ATG9A: variants seen among roughly 807,000 people sequenced by gnomAD.
The protein encoded by ATG9A is autophagy related 9A.
A neutral mutation model predicts 87.1 loss-of-function variants in ATG9A; 21 were observed. That is an observed-to-expected ratio of 0.24 (90% confidence interval 0.17 to 0.35). The LOEUF (loss-of-function observed/expected upper bound fraction) is 0.35. ATG9A is among the 10% of genes least tolerant of loss of function. The probability of loss-of-function intolerance (pLI) is 1.00; values close to 1 mark genes in which losing one functional copy is unlikely to be tolerated. For synonymous variants in ATG9A, 422 were observed against 441.3 expected (o/e 0.96, Z 0.55); for missense variants, 836 against 1,107.3 (o/e 0.76, Z 3.48).
rs746651042 is a variant in ATG9A, at chr2:219,222,933, C to A, written c.1600-40G>T. ...GCAGAGTAAGCAGGGCTGTTCTCTT[C>A]CAGGAGCCTTCCTGCACCTTTCCTG... is the stretch of plus-strand genomic sequence containing the variant. On this transcript the variant is annotated intron_variant, in intron 10 of 15. Coordinates refer to ENST00000361242, the MANE Select transcript of ATG9A (RefSeq NM_001077198.3). The surrounding 1 kb of genome is among the most constrained non-coding windows in gnomAD (Gnocchi z 4.3). The A allele has an allele frequency of 5.0e-6, 8 of 1,608,846 alleles. No homozygotes were observed. The Admixed American group carries it at 1.3e-4, about 27-fold the overall frequency.
In ATG9A at chr2:219,220,667, C is replaced by G. The variant is rs1000917600; in HGVS notation, c.2514+80G>C. On this transcript the variant is annotated intron_variant, in intron 15 of 15. Transcript: ENST00000361242. ...ATCTCTGTGTGGGGGTGGGGCATAT[C>G]TTCCTTCCCCTGAAAAGCTGTTACC... The G allele has an allele frequency of 1.2e-5, 18 of 1,560,454 alleles. No individual in the cohort carries two copies. In the Middle Eastern group the frequency reaches 1.6e-3, roughly 139 times the overall value.
At chr2:219,220,569 G>T in intron 15 of ATG9A, 117 bp from the exon 16 acceptor site, 1 of 1,536,890 alleles carries the variant, frequency 6.5e-7, no homozygotes, top group South Asian at 1.1e-5. Flanking sequence ...GGGAGGTAAG[G>T]TAAGGAAAAA....
At chr2:219,227,204 C>T (rs1267591752) in intron 4 of ATG9A, among the ~76,000 whole-genome samples, 3 of 152,180 alleles carry the variant, frequency 2.0e-5, no homozygotes, top group South Asian at 4.1e-4. Context: ...TTACTTATTA[C>T]GATTATTTAC....
In ATG9A at chr2:219,224,506, G is replaced by A. The variant is rs1176073294; in HGVS notation, c.865C>T (p.Arg289Cys). 6.2e-6 allele frequency: 10 copies of A among 1,614,048 alleles called. No homozygotes were observed. Among genetic ancestry groups the A allele is most frequent in the African/African-American group, 2.7e-5 (2 of 75,048 alleles). Residue 289 changes from arginine (R) to cysteine (C), a missense_variant, in exon 8 of 16, where the codon CGC (arginine) becomes TGC (cysteine). Coordinates refer to ENST00000361242, the MANE Select transcript of ATG9A (RefSeq NM_001077198.3). This position sits in a 1 kb window ranked among gnomAD's most constrained non-coding sequence, Gnocchi z 7.7. ...TTAGCGATGCCAATCCACAGGATGC[G>A]GTTGCTGAGGCGCTGGGCCAGCTCT... The part of the protein sequence containing the change: ...RLELAQRLSN[R>C]ILWIGIANFL...
chr2:219,223,150 T>G lies in ATG9A; in HGVS notation c.1600-257A>C, dbSNP rs1368354893. ...TCGCCCAGGCTGGATTGCAGTGGCG[T>G]GATCTCGGCTCACTGCAAGCTCCGC... On this transcript the variant is annotated intron_variant, in intron 10 of 15. Coordinates refer to ENST00000361242, the MANE Select transcript of ATG9A (RefSeq NM_001077198.3). The surrounding 1 kb of genome is among the most constrained non-coding windows in gnomAD (Gnocchi z 4.7). Among the ~76,000 whole-genome samples, 1 of 150,010 alleles carries G rather than the reference T, an allele frequency of 6.7e-6. No individual in the cohort carries two copies. Among genetic ancestry groups the G allele is most frequent in the Non-Finnish European group, 1.5e-5 (1 of 67,654 alleles).
Position 219,227,902 on chromosome 2 carries a change from T to G in ATG9A, c.103+20A>C. The G allele has an allele frequency of 4.3e-6, 7 of 1,613,654 alleles. No homozygotes were observed. The highest frequency in any genetic ancestry group is 5.9e-6 in the Non-Finnish European group (7 of 1,179,584). ...TTCTTCCATCAACTCTCCCTATGGCTGTCATATCCAAGAACTCACACTTGC... is the reference window on the plus strand; with the variant it reads ...TTCTTCCATCAACTCTCCCTATGGCGGTCATATCCAAGAACTCACACTTGC... On this transcript the variant is annotated intron_variant, in intron 3 of 15. Transcript: ENST00000361242.
chr2:219,222,946 T>C lies in ATG9A; in HGVS notation c.1600-53A>G. Reference sequence around the variant, plus strand: ...GGCTGTTCTCTTCCAGGAGCCTTCCTGCACCTTTCCTGTTAGTGGGGAGGC... The same window carrying C: ...GGCTGTTCTCTTCCAGGAGCCTTCCCGCACCTTTCCTGTTAGTGGGGAGGC... On this transcript the variant is annotated intron_variant, in intron 10 of 15. Coordinates refer to ENST00000361242, the MANE Select transcript of ATG9A (RefSeq NM_001077198.3). The surrounding 1 kb of genome is among the most constrained non-coding windows in gnomAD (Gnocchi z 4.3). 1.2e-6 allele frequency: 2 copies of C among 1,602,736 alleles called. No individual in the cohort carries two copies. Among genetic ancestry groups the C allele is most frequent in the Non-Finnish European group, 1.7e-6 (2 of 1,174,390 alleles).
chr2:219,226,855 C>T lies in ATG9A; in HGVS notation c.212+14G>A. ...TATTCTTTCACCACATCATCTGTCC[C>T]TTCTTATACTTACATGAGCTCAAAG... On this transcript the variant is annotated intron_variant, in intron 5 of 15. Transcript: ENST00000361242. 1 of 1,605,834 alleles carries T rather than the reference C, an allele frequency of 6.2e-7. No individual in the cohort carries two copies. Among genetic ancestry groups the T allele is most frequent in the East Asian group, 2.2e-5 (1 of 44,852 alleles).
chr2:219,227,666 G>A lies in ATG9A; in HGVS notation c.147+104C>T, dbSNP rs958476459. The A allele has an allele frequency of 6.6e-5, 90 of 1,362,636 alleles. No individual in the cohort carries two copies. In the African/African-American group the frequency reaches 1.1e-3, roughly 17 times the overall value. 84.4% of individuals were successfully genotyped at this position (1,362,636 alleles called of 1,614,324 possible). A position where few individuals can be genotyped will look rare whatever the true frequency, so the allele number is the denominator to read the frequency against. On this transcript the variant is annotated intron_variant, in intron 4 of 15. Transcript: ENST00000361242. ...CAGCCTCAGGATGAGCTCCATTCCC[G>A]TTTCCAGGTATTAGAGTCAAACCTA...
In ATG9A at chr2:219,220,312, G is replaced by C. The variant is rs1314943845; in HGVS notation, c.*135C>G. The stretch of plus-strand genomic sequence containing the variant: ...AAGCCCAGTGTTGGCACCTCCCTTG[G>C]CCAGGCACAGACACACAAACACCAC... On this transcript the variant is annotated 3_prime_UTR_variant, in exon 16 of 16. Coordinates refer to ENST00000361242, the MANE Select transcript of ATG9A (RefSeq NM_001077198.3). 2 of 1,239,608 alleles carry C rather than the reference G, an allele frequency of 1.6e-6. No homozygotes were observed. Among genetic ancestry groups the C allele is most frequent in the Non-Finnish European group, 2.3e-6 (2 of 881,730 alleles). 76.8% of individuals were successfully genotyped at this position (1,239,608 alleles called of 1,614,324 possible).
At position 219,228,360 on chromosome 2, in the gene ATG9A, C is replaced by T. The variant is rs1950912930; in HGVS notation, c.-30+74G>A. 4 of 292,526 alleles carry T rather than the reference C, an allele frequency of 1.4e-5. No homozygotes were observed. In the South Asian group the frequency reaches 2.6e-4, roughly 19 times the overall value. The allele number at this position is 292,526 out of a possible 1,614,324, so 18.1% of individuals were successfully genotyped here. ...GTCCCTCCCCCGCCCATCCTGGGAA[C>T]CCTGGTCTCCCAAGAGACTAACAGT... On this transcript the variant is annotated intron_variant, in intron 2 of 15. Coordinates refer to ENST00000361242, the MANE Select transcript of ATG9A (RefSeq NM_001077198.3).
At chr2:219,226,960 GT>G (rs778009541) in intron 4 of ATG9A, 27 bp from the exon 5 acceptor site, 1 of 1,589,474 alleles carries the variant, frequency 6.3e-7, no homozygotes, top group South Asian at 1.1e-5. Context: ...AAAGTAGTCA[GT>G]AAAGAAAGCA....
chr2:219,223,713 T>C lies in ATG9A; in HGVS notation c.1471A>G (p.Ile491Val). The change falls in exon 10 of 16, where the codon ATC becomes GTC. Residue 491 changes from isoleucine to valine, a missense_variant. By Grantham distance (29) the Ile-to-Val change is conservative (BLOSUM62 3). This residue lies in a region of ATG9A where 512 missense variants were observed against 759.6 expected (regional missense o/e 0.67). Coordinates refer to ENST00000361242, the MANE Select transcript of ATG9A (RefSeq NM_001077198.3). This position sits in a 1 kb window ranked among gnomAD's most constrained non-coding sequence, Gnocchi z 4.7. ...AGGGCCCGTGGGCGCAGGCAGAAGA[T>C]GAGGATGAGGGGTGTGACAATGGGG... is the stretch of plus-strand genomic sequence containing the variant. The part of the protein sequence containing the change: ...LSPIVTPLIL[I>V]FCLRPRALEI... The C allele has an allele frequency of 6.2e-7, 1 of 1,613,232 alleles. No individual in the cohort carries two copies.
chr2:219,219,469 A>T lies in ATG9A; in HGVS notation c.*978T>A, dbSNP rs1486417886. On this transcript the variant is annotated 3_prime_UTR_variant, in exon 16 of 16. Transcript: ENST00000361242. ...CCGAGTTCGGGCAGCGCAATTCACC[A>T]CTCTCCCAAAGCCGGACCACAGCTG... 1 of 152,274 alleles carries T rather than the reference A, an allele frequency of 6.6e-6. No homozygotes were observed. The highest frequency in any genetic ancestry group is 2.4e-5 in the African/African-American group (1 of 41,252). 9.4% of individuals were successfully genotyped at this position (152,274 alleles called of 1,614,324 possible).
Position 219,225,530 on chromosome 2 carries a change from G to C in ATG9A, c.255C>G (p.Ser85Arg). The C allele has an allele frequency of 2.5e-6, 4 of 1,614,204 alleles. 1 individual carries two copies. The South Asian group carries it at 3.3e-5, about 13-fold the overall frequency. ...CAAATAGGATGTCATAGTCCACGCA[G>C]CTGACCAGGAAGGTAGTGAAGGCAA... Reference protein sequence around the residue: ...FVVAFTTFLVSCVDYDILFAN... With the variant: ...FVVAFTTFLVRCVDYDILFAN... Residue 85 changes from serine (S) to arginine (R), a missense_variant, in exon 6 of 16, where the codon AGC (serine) becomes AGG (arginine). Ser to Arg is a moderately radical substitution (Grantham distance 110, BLOSUM62 -1). This residue lies in a region of ATG9A where 512 missense variants were observed against 759.6 expected (regional missense o/e 0.67). Coordinates refer to ENST00000361242, the MANE Select transcript of ATG9A (RefSeq NM_001077198.3).
In ATG9A at chr2:219,228,043, A is replaced by G. The variant is rs769009626; in HGVS notation, c.-19T>C. 8.8e-6 allele frequency: 14 copies of G among 1,592,910 alleles called. No homozygotes were observed. The highest frequency in any genetic ancestry group is 1.3e-5 in the African/African-American group (1 of 74,084). On this transcript the variant is annotated 5_prime_UTR_variant, in exon 3 of 16. Transcript: ENST00000361242. Reference sequence around the variant, plus strand: ...GCGCCATCACCACCGCCCCCTGTCCACCTTGACCACCTGCCAATAAGGAGG... The same window carrying G: ...GCGCCATCACCACCGCCCCCTGTCCGCCTTGACCACCTGCCAATAAGGAGG...
In ATG9A at chr2:219,220,752, G is replaced by A. The variant is rs1950738723; in HGVS notation, c.2509C>T (p.His837Tyr). The change falls in exon 15 of 16, where the codon CAC becomes TAC. Residue 837 changes from histidine to tyrosine, a missense_variant. By Grantham distance (83) the His-to-Tyr change is moderately conservative. Transcript: ENST00000361242. ...GSEDELPPQVHKV is the reference protein window; with the variant it reads ...GSEDELPPQVYKV ...CTAGGCCCCGGGGCCCTTACCTTGTGCACCTGAGGGGGTAGCTCATCCTCC... is the reference window on the plus strand; with the variant it reads ...CTAGGCCCCGGGGCCCTTACCTTGTACACCTGAGGGGGTAGCTCATCCTCC... 6.2e-7 allele frequency: 1 copy of A among 1,613,022 alleles called. No homozygotes were observed. The highest frequency in any genetic ancestry group is 8.5e-7 in the Non-Finnish European group (1 of 1,179,714).
Position 219,224,954 on chromosome 2 carries a change from TAAGA to T in ATG9A, c.517-104_517-101del. ...AAGTGAGATTCAGGGGTTGTGAGCTTAAGAGACAGTTCCTGATTTGTCAATGACA... is the reference window on the plus strand; with the variant it reads ...AAGTGAGATTCAGGGGTTGTGAGCTTGACAGTTCCTGATTTGTCAATGACA... On this transcript the variant is annotated intron_variant, in intron 7 of 15. Transcript: ENST00000361242. The surrounding 1 kb of genome is among the most constrained non-coding windows in gnomAD (Gnocchi z 7.7). 1 of 1,577,202 alleles carries T rather than the reference TAAGA, an allele frequency of 6.3e-7. No homozygotes were observed. The highest frequency in any genetic ancestry group is 8.7e-7 in the Non-Finnish European group (1 of 1,154,910).
In ATG9A at chr2:219,221,099, C is replaced by A. The variant is rs1178875397; in HGVS notation, c.2349G>T (p.Arg783Ser). The A allele has an allele frequency of 8.7e-6, 14 of 1,612,992 alleles. No homozygotes were observed. Among genetic ancestry groups the A allele is most frequent in the Non-Finnish European group, 1.2e-5 (14 of 1,179,616 alleles). The change falls in exon 14 of 16, where the codon AGG (arginine) becomes AGT (serine). Residue 783 changes from arginine (R) to serine (S), a missense_variant. By Grantham distance (110) the Arg-to-Ser change is moderately radical. Coordinates refer to ENST00000361242, the MANE Select transcript of ATG9A (RefSeq NM_001077198.3). ...GGATACCTGTGATGCCACCGTAGCG[C>A]CTCTGGAAGCCCCCATGCAGGGCAG... Reference protein sequence around the residue: ...ETTALHGGFQRRYGGITDPGT... With the variant: ...ETTALHGGFQSRYGGITDPGT...
Sources: allele counts gnomAD v4.1 joint callset (sites outside exome capture counted in the v4.1 genomes callset), GRCh38; gene constraint gnomAD v4.1.1; regional missense constraint gnomAD v4.1.1; non-coding constraint Gnocchi (gnomAD v3.1); transcripts MANE v1.5; gene names NCBI Gene and HGNC (gene_info 2026-07-23, HGNC 2026-07-21).